Variants in TCEA1 observed in about 807,000 individuals in gnomAD.
TCEA1 encodes the protein transcription elongation factor A protein 1.
A neutral mutation model predicts 43.8 loss-of-function variants in TCEA1; 21 were observed. That is an observed-to-expected ratio of 0.48 (90% CI 0.34 to 0.69). TCEA1 has a LOEUF of 0.69. Ranked by LOEUF, TCEA1 falls within the 30% of genes least tolerant of loss-of-function variation. TCEA1 has a pLI of 0.01. For synonymous variants in TCEA1, 104 were observed against 117.5 expected, an observed-to-expected ratio of 0.88 and a Z score of 0.75; for missense variants, 250 against 365.1, an observed-to-expected ratio of 0.68 and a Z score of 2.57.
chr8:53,976,354 CTT>C (rs1010373556), intron 8 of TCEA1, among the ~76,000 whole-genome samples: 1 of 152,172 alleles, frequency 6.6e-6, no homozygotes, highest in African/African-American at 2.4e-5. Context: ...TCCTGCTATA[CTT>C]TATATATACT....
At chr8:54,020,415 A>G (rs571226529) in intron 1 of TCEA1, among the ~76,000 whole-genome samples, 32 of 152,362 alleles carry the variant, frequency 2.1e-4, no homozygotes, top group African/African-American at 7.0e-4. Context: ...AAATACTTTA[A>G]AAGGCCAAAA....
At chr8:54,004,816 T>C (rs1331116912) in intron 2 of TCEA1, among the ~76,000 whole-genome samples, 1 of 152,108 alleles carries the variant, frequency 6.6e-6, no homozygotes, top group Admixed American at 6.5e-5. Flanking sequence ...CTACGTTTAC[T>C]ATCCTTTTAA....
intron 9 of TCEA1, among the ~76,000 whole-genome samples, chr8:53,968,569 C>T (rs1454521634): frequency 6.6e-6 from 1 of 152,102 alleles, no homozygotes; most frequent in Non-Finnish European, 1.5e-5. Flanking sequence ...ATCAGCTGGG[C>T]ACGGTGGCTC....
At chr8:53,991,009 C>G (rs1200950799) in intron 4 of TCEA1, among the ~76,000 whole-genome samples, 1 of 152,040 alleles carries the variant, frequency 6.6e-6, no homozygotes, top group African/African-American at 2.4e-5. Flanking sequence ...TAGATAGATA[C>G]CAATCAGTTA....
intron 3 of TCEA1, among the ~76,000 whole-genome samples, chr8:53,998,843 G>A (rs1486966267): frequency 6.6e-6 from 1 of 151,968 alleles, no homozygotes; most frequent in Admixed American, 6.6e-5. Context: ...TGCCTTGGGG[G>A]GAAAACAAAG....
At chr8:54,002,985 CTG>C in intron 2 of TCEA1, 1 of 456,256 alleles carries the variant, frequency 2.2e-6, no homozygotes, top group Non-Finnish European at 4.4e-6. Context: ...TCAAGAGACA[CTG>C]TTAACATCAC....
chr8:53,989,776 G>A (rs915870461), intron 4 of TCEA1, among the ~76,000 whole-genome samples: 2 of 151,738 alleles, frequency 1.3e-5, no homozygotes, highest in African/African-American at 4.9e-5. Flanking sequence ...ACTCCAGCCT[G>A]AGCAACTGAG....
chr8:54,004,084 G>A (rs1804363225), intron 2 of TCEA1, among the ~76,000 whole-genome samples: 1 of 152,144 alleles, frequency 6.6e-6, no homozygotes, highest in East Asian at 1.9e-4. Flanking sequence ...AAGCTACAAT[G>A]AAATACCACT....
At position 53,967,967 on chromosome 8, in the gene TCEA1, G is replaced by A; in HGVS notation, c.*137C>T. The stretch of plus-strand genomic sequence containing the variant: ...TACAGAAGGCATTTAAGGAAGGGAT[G>A]TTAGGTCAAAAACAAAGTCTAACCC... On this transcript the variant is annotated 3_prime_UTR_variant, in exon 10 of 10. Coordinates refer to ENST00000521604, the MANE Select transcript of TCEA1 (RefSeq NM_006756.4). 1 of 651,166 alleles carries A rather than the reference G, an allele frequency of 1.5e-6. No homozygotes were observed. The highest frequency in any genetic ancestry group is 2.6e-6 in the Non-Finnish European group (1 of 384,754). The allele number at this position is 651,166 out of a possible 1,614,324, so 40.3% of individuals were successfully genotyped here. A position where few individuals can be genotyped will look rare whatever the true frequency, so the allele number is the denominator to read the frequency against.
At chr8:54,006,596 C>G (rs1804470328) in intron 2 of TCEA1, among the ~76,000 whole-genome samples, 1 of 152,184 alleles carries the variant, frequency 6.6e-6, no homozygotes, top group Non-Finnish European at 1.5e-5. Context: ...CCTCCATACT[C>G]TCTCTAACTC....
chr8:53,968,241 C>T, intron 9 of TCEA1, 129 bp from the exon 10 acceptor site: 2 of 669,224 alleles, frequency 3.0e-6, no homozygotes, highest in South Asian at 4.0e-5. Flanking sequence ...CTGTATTTTT[C>T]ACACATAATA....
chr8:53,988,344 A>C, intron 4 of TCEA1, 85 bp from the exon 5 acceptor site: 2 of 1,486,678 alleles, frequency 1.3e-6, no homozygotes, highest in African/African-American at 1.4e-5. Context: ...TAAAAACAAA[A>C]TTTGGGGTCT....
chr8:53,979,617 A>T (rs771206952), intron 7 of TCEA1, among the ~76,000 whole-genome samples: 5 of 152,086 alleles, frequency 3.3e-5, no homozygotes, highest in Non-Finnish European at 5.9e-5. Flanking sequence ...GCCTGAGATC[A>T]CCTTTGTTAA....
chr8:53,985,088 A>G (rs1039048719), intron 6 of TCEA1, among the ~76,000 whole-genome samples: 6 of 152,058 alleles, frequency 3.9e-5, no homozygotes, highest in Non-Finnish European at 7.4e-5. Context: ...ACCTCAGCTC[A>G]CTGCAACCTC....
chr8:54,009,775 G>C (rs1804591426), intron 2 of TCEA1: 1 of 152,198 alleles, frequency 6.6e-6, no homozygotes, highest in Admixed American at 6.6e-5. Context: ...GGTCACTATA[G>C]TTAATAAAAC....
intron 2 of TCEA1, among the ~76,000 whole-genome samples, chr8:54,007,944 G>C (rs1188667060): frequency 6.6e-6 from 1 of 152,060 alleles, no homozygotes; most frequent in Non-Finnish European, 1.5e-5. Context: ...CACTTCAGGA[G>C]GCCAAGGATG....
At chr8:54,013,680 C>CAAAAAAAAA (rs5891511) in intron 1 of TCEA1, among the ~76,000 whole-genome samples, 35 of 65,282 alleles carry the variant, frequency 5.4e-4, no homozygotes, top group East Asian at 2.4e-3. Flanking sequence ...AACTCCATCT[C>CAAAAAAAAA]AAAAAAAAAA....
intron 4 of TCEA1, among the ~76,000 whole-genome samples, chr8:53,991,308 G>A (rs549476357): frequency 1.9e-3 from 284 of 151,400 alleles, no homozygotes; most frequent in African/African-American, 6.5e-3. Flanking sequence ...CAGGAGAATC[G>A]CTTGAACCTG....
chr8:54,005,563 T>C (rs181281756), intron 2 of TCEA1, among the ~76,000 whole-genome samples: 1 of 152,296 alleles, frequency 6.6e-6, no homozygotes, highest in African/African-American at 2.4e-5. Context: ...TATTCTTATA[T>C]TGCTAAATGG....
Sources: gnomAD v4.1 joint callset for allele counts (sites outside exome capture counted in the v4.1 genomes callset) on GRCh38, gnomAD v4.1.1 for gene constraint, MANE v1.5 for transcripts, NCBI Gene and HGNC (gene_info 2026-07-23, HGNC 2026-07-21) for gene names.